The following BAZ2A variants were observed in gnomAD, a reference collection of about 807,000 sequenced individuals.
BAZ2A encodes bromodomain adjacent to zinc finger domain protein 2A.
BAZ2A carries 34 observed loss-of-function variants against 199.9 expected under a neutral mutation model. The observed-to-expected ratio is 0.17, with a 90% CI of 0.13 to 0.23. The LOEUF (loss-of-function observed/expected upper bound fraction) is 0.23. Among genes scored for constraint, BAZ2A ranks in the 10% least tolerant of loss-of-function variants. The pLI is 1.00. For synonymous variants in BAZ2A, 857 were observed against 883.9 expected (o/e 0.97, Z 0.54); for missense variants, 2,002 against 2,391.1 (o/e 0.84, Z 3.39).
chr12:56,638,140 T>TAGTC (rs1431558625), upstream of BAZ2A: 1 of 581,148 alleles, frequency 1.7e-6, no homozygotes, highest in Non-Finnish European at 3.0e-6. Context: ...CCTTCAGTGT[T>TAGTC]GACTATGTTG....
In BAZ2A at chr12:56,620,432, C is replaced by T. The variant is rs1950880605; in HGVS notation, c.-2-2900G>A. On this transcript the variant is annotated intron_variant, in intron 1 of 28. Coordinates refer to ENST00000549884, the MANE Select transcript of BAZ2A (RefSeq NM_001300905.2). ...AGGAGGATTGTTTGAGCCTGGGAAG[C>T]AGAGATTGCAGTGAGCCAAGATCAT... 2.0e-5 allele frequency among the ~76,000 whole-genome samples: 3 copies of T among 152,118 alleles called. No individual in the cohort carries two copies. In the South Asian group the frequency reaches 6.2e-4, roughly 32 times the overall value.
At chr12:56,608,461 G>A (rs1243074248) in intron 10 of BAZ2A, among the ~76,000 whole-genome samples, 4 of 151,990 alleles carry the variant, frequency 2.6e-5, no homozygotes, top group African/African-American at 2.4e-5. Flanking sequence ...AAAAGACTAA[G>A]TTTTTTCACA....
rs1488324367 is a variant in BAZ2A, at chr12:56,610,088, A to G, written c.1881+26T>C. On this transcript the variant is annotated intron_variant, in intron 9 of 28. Coordinates refer to ENST00000549884, the MANE Select transcript of BAZ2A (RefSeq NM_001300905.2). Reference sequence around the variant, plus strand: ...CCACCAACTCTTCCTCAGGGACAAAAGCATATTTAACCCTTGGGTCTGCAC... The same window carrying G: ...CCACCAACTCTTCCTCAGGGACAAAGGCATATTTAACCCTTGGGTCTGCAC... 3 of 1,610,920 alleles carry G rather than the reference A, an allele frequency of 1.9e-6. No individual in the cohort carries two copies. The South Asian group carries it at 3.3e-5, about 18-fold the overall frequency.
At chr12:56,635,126 G>C (rs1043719427), upstream of BAZ2A, 1 of 785,668 alleles carries the variant, frequency 1.3e-6, no homozygotes, top group Non-Finnish European at 1.5e-6. This position sits in a 1 kb window ranked among gnomAD's most constrained non-coding sequence, Gnocchi z 4.1. Flanking sequence ...AGTCGCGAAG[G>C]ATCCACTGGG....
rs1565805598 is a variant in BAZ2A, at chr12:56,600,106, G to GA, written c.4893-11dup. ...GGTGATCTCATATGATCTGGAGGGA[G>GA]AAAGTGGTGATCTTTGGAGAAGGAG... On this transcript the variant is annotated splice_polypyrimidine_tract_variant and intron_variant, in intron 24 of 28. Coordinates refer to ENST00000549884, the MANE Select transcript of BAZ2A (RefSeq NM_001300905.2). 4.3e-6 allele frequency: 7 copies of GA among 1,613,864 alleles called. No homozygotes were observed. Among genetic ancestry groups the GA allele is most frequent in the Middle Eastern group, 1.6e-4 (1 of 6,062 alleles).
intron 1 of BAZ2A, among the ~76,000 whole-genome samples, chr12:56,621,425 G>A (rs1950918760): frequency 6.6e-6 from 1 of 152,082 alleles, no homozygotes; most frequent in Non-Finnish European, 1.5e-5. Context: ...TTTACGAGAA[G>A]CTTCCTAGAC....
chr12:56,613,411 T>C (rs983057264), intron 4 of BAZ2A, among the ~76,000 whole-genome samples, 178 bp from the exon 5 acceptor site: 3 of 152,102 alleles, frequency 2.0e-5, no homozygotes, highest in Non-Finnish European at 4.4e-5. Context: ...CATGAGATTA[T>C]AGGGATCATA....
At position 56,635,797 on chromosome 12, in the gene BAZ2A, C is replaced by T. The variant is rs59824433; in HGVS notation, c.4+385G>A. On this transcript the variant is annotated intron_variant, in intron 1 of 29. Coordinates refer to the BAZ2A transcript ENST00000379441. The surrounding 1 kb of genome is among the most constrained non-coding windows in gnomAD (Gnocchi z 4.1). ...TTAGAAAAATGAGAGGGAGGGGAGG[C>T]ATTTTAAAGACCTTCCAGCACTGCC... Among the ~76,000 whole-genome samples the T allele has an allele frequency of 1.7e-3, 259 of 152,212 alleles. 1 individual carries two copies. The highest frequency in any genetic ancestry group is 6.0e-3 in the African/African-American group (248 of 41,518).
intron 11 of BAZ2A, 134 bp from the exon 12 acceptor site, chr12:56,606,446 C>A (rs1304136195): frequency 2.5e-6 from 3 of 1,217,018 alleles, no homozygotes; most frequent in Non-Finnish European, 2.4e-6. Flanking sequence ...TGGATTAATT[C>A]TCTCACCCTA....
rs1951260827 is a variant in BAZ2A, at chr12:56,630,176, A to C, written c.-54T>G. ...CGGGGCTCGTCTCTCCCCGGGGTACAAGCGGTTCACATGGCCGCGCTCCGG... is the reference window on the plus strand; with the variant it reads ...CGGGGCTCGTCTCTCCCCGGGGTACCAGCGGTTCACATGGCCGCGCTCCGG... On this transcript the variant is annotated 5_prime_UTR_variant, in exon 1 of 29. Coordinates refer to ENST00000549884, the MANE Select transcript of BAZ2A (RefSeq NM_001300905.2). The C allele has an allele frequency of 5.1e-6, 5 of 985,614 alleles. No individual in the cohort carries two copies. Among genetic ancestry groups the C allele is most frequent in the Non-Finnish European group, 6.0e-6 (5 of 830,064 alleles). The allele number at this position is 985,614 out of a possible 1,614,324, so 61.1% of individuals were successfully genotyped here. A position where few individuals can be genotyped will look rare whatever the true frequency, so the allele number is the denominator to read the frequency against.
chr12:56,614,296 G>A (rs914371606), intron 3 of BAZ2A, 158 bp from the exon 4 acceptor site: 2 of 691,828 alleles, frequency 2.9e-6, no homozygotes, highest in African/African-American at 3.6e-5. Flanking sequence ...AAGATACTCT[G>A]AGCAGAGATG....
chr12:56,605,794 C>G, intron 13 of BAZ2A, 36 bp downstream of exon 13: 1 of 1,562,532 alleles, frequency 6.4e-7, no homozygotes, highest in Non-Finnish European at 8.7e-7. Context: ...AAAGTCTTCC[C>G]AGCTGACCCA....
chr12:56,615,291 A>C lies in BAZ2A; in HGVS notation c.453T>G (p.Gly151=). ...RAGSQEFWAN[G]TQSPMGLNFD... ...AGTTAAGCCCCATGGGACTCTGGGT[A>C]CCGTTGGCCCAGAACTCTTGGCTCC... Residue 151 remains glycine, a synonymous_variant, in exon 3 of 29, where the codon GGT becomes GGG. Transcript: ENST00000549884. 6.2e-7 allele frequency: 1 copy of C among 1,613,960 alleles called. No individual in the cohort carries two copies. The highest frequency in any genetic ancestry group is 8.5e-7 in the Non-Finnish European group (1 of 1,179,890).
Position 56,602,240 on chromosome 12 carries a change from A to G in BAZ2A, c.3425-48T>C, listed in dbSNP as rs764731982. The G allele has an allele frequency of 2.7e-6, 4 of 1,459,242 alleles. No homozygotes were observed. In the East Asian group the frequency reaches 9.9e-5, roughly 36 times the overall value. 90.4% of individuals were successfully genotyped at this position (1,459,242 alleles called of 1,614,324 possible). On this transcript the variant is annotated intron_variant, in intron 19 of 28. Coordinates refer to ENST00000549884, the MANE Select transcript of BAZ2A (RefSeq NM_001300905.2). ...AAGCCATATGCTGACATACAAGGGA[A>G]AAGTAAGAGGGTATATAAACTTAGG...
At chr12:56,618,852 A>G (rs1437803099) in intron 1 of BAZ2A, among the ~76,000 whole-genome samples, 2 of 152,132 alleles carry the variant, frequency 1.3e-5, no homozygotes, top group South Asian at 2.1e-4. Flanking sequence ...CCTGGGCGAC[A>G]AGAGTGAAAC....
In BAZ2A at chr12:56,606,229, G is replaced by A; in HGVS notation, c.2259+18C>T. The A allele has an allele frequency of 1.2e-6, 2 of 1,613,922 alleles. No individual in the cohort carries two copies. Among genetic ancestry groups the A allele is most frequent in the Non-Finnish European group, 1.7e-6 (2 of 1,179,804 alleles). ...GTGGCTTCGAAATTATACTTGGCAAGTTTGTACATGCACCTACCTTGGATT... is the reference window on the plus strand; with the variant it reads ...GTGGCTTCGAAATTATACTTGGCAAATTTGTACATGCACCTACCTTGGATT... On this transcript the variant is annotated intron_variant, in intron 12 of 28. Coordinates refer to ENST00000549884, the MANE Select transcript of BAZ2A (RefSeq NM_001300905.2).
upstream of BAZ2A, chr12:56,634,929 GGGTGCC>G: frequency 3.0e-6 from 3 of 985,274 alleles, no homozygotes; most frequent in South Asian, 1.4e-4. Flanking sequence ...AGCTGGAGGT[GGGTGCC>G]GGGCCTCACC....
chr12:56,611,316 A>G (rs1950551200), intron 7 of BAZ2A: 1 of 557,538 alleles, frequency 1.8e-6, no homozygotes. Context: ...AAAAGATAAT[A>G]GCTGGAGCTC....
At chr12:56,607,390 G>C (rs933172663) in intron 10 of BAZ2A, among the ~76,000 whole-genome samples, 1 of 151,974 alleles carries the variant, frequency 6.6e-6, no homozygotes, top group Non-Finnish European at 1.5e-5. Context: ...TATATTTTTT[G>C]ACACGGAGTC....
Sources: gnomAD v4.1 joint callset for allele counts (sites outside exome capture counted in the v4.1 genomes callset) on GRCh38, gnomAD v4.1.1 for gene constraint, Gnocchi (gnomAD v3.1) non-coding constraint, MANE v1.5 for transcripts, NCBI Gene and HGNC (gene_info 2026-07-23, HGNC 2026-07-21) for gene names.